Variants in CAMK4 observed in about 807,000 individuals in gnomAD.
CAMK4 encodes calcium/calmodulin-dependent protein kinase type IV.
In CAMK4, 22 loss-of-function variants were observed where a neutral mutation model predicts 44.9. The ratio of observed to expected loss-of-function variants is 0.49; its 90% confidence interval spans 0.35 to 0.70. The LOEUF is 0.70. Among genes scored for constraint, CAMK4 ranks in the 30% least tolerant of loss-of-function variants. CAMK4 has a pLI of 0.01. For synonymous variants in CAMK4, 218 were observed against 215.4 expected (o/e 1.01, Z -0.11); for missense variants, 498 against 586.8 (o/e 0.85, Z 1.56).
chr5:111,432,616 G>A lies in CAMK4; in HGVS notation c.460-14070G>A, dbSNP rs901200624. On this transcript the variant is annotated intron_variant, in intron 5 of 10. Transcript: ENST00000282356. ...AACATCTCATGTACCTCATATATAT[G>A]TGTGTGTATATATATATATACATAT... Among the ~76,000 whole-genome samples, 72 of 145,738 alleles carry A rather than the reference G, an allele frequency of 4.9e-4. 1 individual carries two copies. Among genetic ancestry groups the A allele is most frequent in the Non-Finnish European group, 8.7e-4 (58 of 67,000 alleles).
intron 1 of CAMK4, among the ~76,000 whole-genome samples, chr5:111,262,184 A>G (rs1750012499): frequency 6.6e-6 from 1 of 151,588 alleles, no homozygotes; most frequent in Admixed American, 6.6e-5. Flanking sequence ...AACGGGCAAA[A>G]AAAAAAAAAA....
At chr5:111,433,186 T>G (rs1409670510) in intron 5 of CAMK4, among the ~76,000 whole-genome samples, 2 of 152,182 alleles carry the variant, frequency 1.3e-5, no homozygotes, top group African/African-American at 4.8e-5. Context: ...TCATATATTC[T>G]TTGGGTCAGG....
At chr5:111,289,895 CTGT>C (rs1490515733) in intron 1 of CAMK4, among the ~76,000 whole-genome samples, 1 of 152,184 alleles carries the variant, frequency 6.6e-6, no homozygotes, top group Non-Finnish European at 1.5e-5. Flanking sequence ...ATTTCTTTAC[CTGT>C]TGGTCCACAA....
At chr5:111,279,877 A>C (rs867347287) in intron 1 of CAMK4, among the ~76,000 whole-genome samples, 1 of 152,200 alleles carries the variant, frequency 6.6e-6, no homozygotes, top group East Asian at 1.9e-4. Flanking sequence ...TGCTGTTTGC[A>C]ATGTTGAAAC....
chr5:111,484,448 G>A lies in CAMK4; in HGVS notation c.1404G>A (p.Val468=), dbSNP rs1370893113. Residue 468 remains valine, a synonymous_variant, in exon 11 of 11, where the codon GTG becomes GTA. Coordinates refer to ENST00000282356, the MANE Select transcript of CAMK4 (RefSeq NM_001744.6). This position sits in a 1 kb window ranked among gnomAD's most constrained non-coding sequence, Gnocchi z 5.3. The stretch of plus-strand genomic sequence containing the variant: ...GTTTTGAAGTTCCACAGCAAGATGT[G>A]ATCCTGCCAGAGTACTAAACAGCTT... ...AVGFEVPQQD[V]ILPEY 6.6e-7 allele frequency: 1 copy of A among 1,520,204 alleles called. No individual in the cohort carries two copies. The highest frequency in any genetic ancestry group is 8.8e-7 in the Non-Finnish European group (1 of 1,135,338). 94.2% of individuals were successfully genotyped at this position (1,520,204 alleles called of 1,614,324 possible). A position where few individuals can be genotyped will look rare whatever the true frequency, so the allele number is the denominator to read the frequency against.
At position 111,224,703 on chromosome 5, in the gene CAMK4, G is replaced by T. The variant is rs1388100205; in HGVS notation, c.161+59G>T. On this transcript the variant is annotated intron_variant, in intron 1 of 10. Transcript: ENST00000282356. The surrounding 1 kb of genome is among the most constrained non-coding windows in gnomAD (Gnocchi z 5.7). ...GCGTGCACTGGGGGTTGTCCCTCTC[G>T]CAGCGACGGCTCGGAGGGTGCGGGA... The T allele has an allele frequency of 2.0e-6, 3 of 1,520,908 alleles. No homozygotes were observed. Among genetic ancestry groups the T allele is most frequent in the East Asian group, 4.9e-5 (2 of 40,952 alleles). The allele number at this position is 1,520,908 out of a possible 1,614,324, so 94.2% of individuals were successfully genotyped here. A position where few individuals can be genotyped will look rare whatever the true frequency, so the allele number is the denominator to read the frequency against.
At position 111,284,645 on chromosome 5, in the gene CAMK4, T is replaced by G. The variant is rs1230562034; in HGVS notation, c.162-59379T>G. 2.0e-5 allele frequency among the ~76,000 whole-genome samples: 3 copies of G among 152,266 alleles called. No homozygotes were observed. In the East Asian group the frequency reaches 5.8e-4, roughly 29 times the overall value. ...GAACTTCCCTGGAGCACAGCAGAAC[T>G]GTTGAAGTTTAAAGGCCCGTAATAG... is the stretch of plus-strand genomic sequence containing the variant. On this transcript the variant is annotated intron_variant, in intron 1 of 10. Coordinates refer to ENST00000282356, the MANE Select transcript of CAMK4 (RefSeq NM_001744.6).
At position 111,256,678 on chromosome 5, in the gene CAMK4, A is replaced by G. The variant is rs554060977; in HGVS notation, c.161+32034A>G. Among the ~76,000 whole-genome samples the G allele has an allele frequency of 1.4e-3, 206 of 152,334 alleles. 3 individuals carry two copies. Among genetic ancestry groups the G allele is most frequent in the African/African-American group, 4.7e-3 (197 of 41,590 alleles). ...ATTGACTCTCAGAGCTAGAAAAGAC[A>G]TATAGTATTCACACATAAGTACCAG... On this transcript the variant is annotated intron_variant, in intron 1 of 10. Coordinates refer to ENST00000282356, the MANE Select transcript of CAMK4 (RefSeq NM_001744.6).
At chr5:111,429,600 C>T (rs576162942) in intron 5 of CAMK4, among the ~76,000 whole-genome samples, 16 of 151,478 alleles carry the variant, frequency 1.1e-4, no homozygotes, top group African/African-American at 2.9e-4. Flanking sequence ...TGGCGAAACC[C>T]GATCTCTACC....
intron 7 of CAMK4, among the ~76,000 whole-genome samples, chr5:111,467,734 A>G (rs1399856652): frequency 6.6e-6 from 1 of 152,202 alleles, no homozygotes; most frequent in African/African-American, 2.4e-5. Context: ...TGAAAGGGGA[A>G]CACTTTTACA....
chr5:111,431,673 C>G (rs1014399706), intron 5 of CAMK4, among the ~76,000 whole-genome samples: 1 of 151,950 alleles, frequency 6.6e-6, no homozygotes, highest in African/African-American at 2.4e-5. Context: ...GGAAAAAAAT[C>G]TAATAATCTG....
At chr5:111,366,926 A>G (rs942098746) in intron 2 of CAMK4, among the ~76,000 whole-genome samples, 1 of 151,920 alleles carries the variant, frequency 6.6e-6, no homozygotes, top group East Asian at 1.9e-4. Flanking sequence ...CCGTTTAAGT[A>G]AAGGAGCTAG....
chr5:111,261,855 A>C (rs1167633946), intron 1 of CAMK4, among the ~76,000 whole-genome samples: 1 of 152,002 alleles, frequency 6.6e-6, no homozygotes, highest in Non-Finnish European at 1.5e-5. Context: ...CAATCTGGGG[A>C]CTATGATCTT....
chr5:111,417,982 C>A (rs79940991), intron 5 of CAMK4, among the ~76,000 whole-genome samples: 1 of 151,916 alleles, frequency 6.6e-6, no homozygotes, highest in Non-Finnish European at 1.5e-5. Flanking sequence ...GTGATACTTA[C>A]AACTGATATT....
At chr5:111,269,598 G>A (rs1258823545) in intron 1 of CAMK4, among the ~76,000 whole-genome samples, 5 of 152,056 alleles carry the variant, frequency 3.3e-5, no homozygotes, top group Admixed American at 1.3e-4. Flanking sequence ...AAGCACTTAC[G>A]GCTGACATCC....
rs188184265 is a variant in CAMK4, at chr5:111,230,030, C to T, written c.161+5386C>T. Reference sequence around the variant, plus strand: ...GTGAATCAATGATAATGAAATGGGCCGGGTGCAGCATGTGTACCCGCTTCC... The same window carrying T: ...GTGAATCAATGATAATGAAATGGGCTGGGTGCAGCATGTGTACCCGCTTCC... On this transcript the variant is annotated intron_variant, in intron 1 of 10. Coordinates refer to ENST00000282356, the MANE Select transcript of CAMK4 (RefSeq NM_001744.6). Among the ~76,000 whole-genome samples the T allele has an allele frequency of 4.9e-4, 74 of 152,156 alleles. 1 individual carries two copies. The East Asian group carries it at 6.8e-3, about 14-fold the overall frequency.
At chr5:111,288,165 A>G (rs956263695) in intron 1 of CAMK4, among the ~76,000 whole-genome samples, 35 of 152,178 alleles carry the variant, frequency 2.3e-4, no homozygotes, top group Admixed American at 1.0e-3. Context: ...TTTCATTGCT[A>G]TATGGTATTC....
intron 1 of CAMK4, among the ~76,000 whole-genome samples, chr5:111,289,829 T>C (rs767341644): frequency 6.6e-6 from 1 of 152,208 alleles, no homozygotes; most frequent in Non-Finnish European, 1.5e-5. Flanking sequence ...CCATCCCCAT[T>C]GTGTAGCAGA....
chr5:111,484,343 G>C lies in CAMK4; in HGVS notation c.1299G>C (p.Glu433Asp). ...TAAAGGTGGCTGACCTGGAACTAGA[G>C]GAGGGCCTAGCAGAGGAGAAGCTGA... The part of the protein sequence containing the change: ...DGIKVADLEL[E>D]EGLAEEKLKT... The change falls in exon 11 of 11, where the codon GAG (glutamate) becomes GAC (aspartate). Residue 433 changes from glutamate (E) to aspartate (D), a missense_variant. This residue lies in a region of CAMK4 where 143 missense variants were observed against 144.9 expected (regional missense o/e 0.99). Coordinates refer to ENST00000282356, the MANE Select transcript of CAMK4 (RefSeq NM_001744.6). This position sits in a 1 kb window ranked among gnomAD's most constrained non-coding sequence, Gnocchi z 5.3. 6.2e-7 allele frequency: 1 copy of C among 1,613,610 alleles called. No homozygotes were observed. Among genetic ancestry groups the C allele is most frequent in the Non-Finnish European group, 8.5e-7 (1 of 1,179,806 alleles).
Sources: allele counts gnomAD v4.1 joint callset (sites outside exome capture counted in the v4.1 genomes callset), GRCh38; gene constraint gnomAD v4.1.1; regional missense constraint gnomAD v4.1.1; non-coding constraint Gnocchi (gnomAD v3.1); transcripts MANE v1.5; gene names NCBI Gene and HGNC (gene_info 2026-07-23, HGNC 2026-07-21).